The following PRDM11 variants were observed in gnomAD, a reference collection of about 807,000 sequenced individuals.
PRDM11 encodes the protein PR/SET domain 11.
In PRDM11, 20 loss-of-function variants were observed where a neutral mutation model predicts 97.8. The ratio of observed to expected loss-of-function variants is 0.20; its 90% confidence interval spans 0.14 to 0.30. The LOEUF is 0.30. Among genes scored for constraint, PRDM11 ranks in the 10% least tolerant of loss-of-function variants. PRDM11 has a pLI of 1.00. For missense variants in PRDM11, 1,139 were observed against 1,555.2 expected, an observed-to-expected ratio of 0.73 and a Z score of 4.50; for synonymous variants, 599 against 637.7, an observed-to-expected ratio of 0.94 and a Z score of 0.91.
intron 1 of PRDM11, among the ~76,000 whole-genome samples, chr11:45,121,921 G>A (rs186824913): frequency 2.4e-4 from 37 of 152,116 alleles, no homozygotes; most frequent in Admixed American, 1.6e-3. Context: ...TAAAGGCTGT[G>A]GTTACAGAAA....
At chr11:45,171,397 G>A (rs1234928750) in intron 1 of PRDM11, among the ~76,000 whole-genome samples, 2 of 152,164 alleles carry the variant, frequency 1.3e-5, no homozygotes, top group Non-Finnish European at 2.9e-5. Context: ...ACCGTGCCCA[G>A]CCGGTTATGT....
intron 4 of PRDM11, among the ~76,000 whole-genome samples, chr11:45,195,206 C>T (rs1354834310): frequency 6.6e-6 from 1 of 152,210 alleles, no homozygotes; most frequent in East Asian, 1.9e-4. Flanking sequence ...TTTTTAACAG[C>T]TTTATTGAGA....
intron 7 of PRDM11, 97 bp downstream of exon 7, chr11:45,224,940 G>GA: frequency 6.3e-7 from 1 of 1,588,252 alleles, no homozygotes; most frequent in East Asian, 2.2e-5. Flanking sequence ...CACCTTCCGG[G>GA]AGACCTGAGG....
At chr11:45,113,556 A>C (rs145668558) in intron 1 of PRDM11, among the ~76,000 whole-genome samples, 7 of 152,250 alleles carry the variant, frequency 4.6e-5, no homozygotes, top group South Asian at 2.1e-4. Flanking sequence ...TCATCTTCAC[A>C]ATATTGATTC....
intron 1 of PRDM11, among the ~76,000 whole-genome samples, chr11:45,103,245 C>T (rs1852008994): frequency 6.6e-6 from 1 of 152,192 alleles, no homozygotes; most frequent in African/African-American, 2.4e-5. Context: ...GCCTCCTCCC[C>T]GGCCTTGGAG....
intron 1 of PRDM11, among the ~76,000 whole-genome samples, chr11:45,101,546 ACT>A (rs1239859693): frequency 2.3e-5 from 3 of 128,274 alleles, no homozygotes; most frequent in South Asian, 2.3e-4. Flanking sequence ...ACAGAGCAAC[ACT>A]CTGTCTCAAA....
upstream of PRDM11, among the ~76,000 whole-genome samples, chr11:45,141,760 G>A (rs949964075): frequency 6.6e-6 from 1 of 152,174 alleles, no homozygotes; most frequent in Non-Finnish European, 1.5e-5. Flanking sequence ...CCCCACCCAT[G>A]CCTGAAAGGA....
chr11:45,185,493 G>C (rs1852671411), intron 4 of PRDM11, among the ~76,000 whole-genome samples: 1 of 152,198 alleles, frequency 6.6e-6, no homozygotes, highest in Admixed American at 6.5e-5. Flanking sequence ...AGTGAGGTGG[G>C]AGGGTGTGTG....
At chr11:45,144,468 G>A (rs985431425), upstream of PRDM11, among the ~76,000 whole-genome samples, 1 of 152,210 alleles carries the variant, frequency 6.6e-6, no homozygotes, top group Non-Finnish European at 1.5e-5. Flanking sequence ...TGGATGGGGA[G>A]ATTTAAATAG....
intron 6 of PRDM11, among the ~76,000 whole-genome samples, chr11:45,220,196 C>G (rs1422039933): frequency 6.6e-6 from 1 of 152,136 alleles, no homozygotes; most frequent in African/African-American, 2.4e-5. Flanking sequence ...CCGTCAGAGG[C>G]CTGTTGGGTA....
At chr11:45,163,012 A>G (rs1458865305) in intron 1 of PRDM11, among the ~76,000 whole-genome samples, 3 of 152,202 alleles carry the variant, frequency 2.0e-5, no homozygotes, top group Non-Finnish European at 2.9e-5. Context: ...TGGCAGTTGC[A>G]GTTACTCTGG....
upstream of PRDM11, among the ~76,000 whole-genome samples, chr11:45,143,175 C>T (rs980964113): frequency 1.3e-5 from 2 of 152,158 alleles, no homozygotes; most frequent in Admixed American, 1.3e-4. Context: ...GAAATTTTGC[C>T]CTTGTGCTTT....
At chr11:45,164,681 G>A (rs148092324) in intron 1 of PRDM11, among the ~76,000 whole-genome samples, 36 of 152,300 alleles carry the variant, frequency 2.4e-4, no homozygotes, top group African/African-American at 8.7e-4. Flanking sequence ...CTGGAACTTG[G>A]GCTAAATCTA....
In PRDM11 at chr11:45,226,476, G is replaced by A; in HGVS notation, c.1851G>A (p.Arg617=). ...LDFRPLAELL[R]KCELKVVDQY... ...TCCGGCCCCTGGCGGAGCTGCTGAG[G>A]AAGTGTGAGCTCAAGGTGGTGGACC... The change falls in exon 8 of 8, where the codon AGG becomes AGA. Residue 617 remains arginine, a synonymous_variant. Coordinates refer to ENST00000683152, the MANE Select transcript of PRDM11 (RefSeq NM_001384648.1). 1 of 1,533,994 alleles carries A rather than the reference G, an allele frequency of 6.5e-7. No individual in the cohort carries two copies. Among genetic ancestry groups the A allele is most frequent in the Non-Finnish European group, 8.7e-7 (1 of 1,146,740 alleles).
chr11:45,120,545 A>C (rs1183559431), intron 1 of PRDM11, among the ~76,000 whole-genome samples: 1 of 152,192 alleles, frequency 6.6e-6, no homozygotes, highest in Non-Finnish European at 1.5e-5. Context: ...GAATCTATGG[A>C]AGCTAGAAAA....
intron 1 of PRDM11, among the ~76,000 whole-genome samples, chr11:45,101,641 G>A (rs1187785920): frequency 6.8e-6 from 1 of 148,032 alleles, no homozygotes; most frequent in Non-Finnish European, 1.5e-5. Flanking sequence ...AGAGGAAGAA[G>A]AAGGCGTTCA....
intron 1 of PRDM11, among the ~76,000 whole-genome samples, chr11:45,104,060 T>C (rs886154986): frequency 3.3e-5 from 5 of 152,348 alleles, no homozygotes. Flanking sequence ...TCTAATTCCG[T>C]GCCCTAGACT....
At chr11:45,221,018 C>A (rs949514971) in intron 6 of PRDM11, among the ~76,000 whole-genome samples, 7 of 151,976 alleles carry the variant, frequency 4.6e-5, no homozygotes, top group African/African-American at 1.7e-4. Context: ...TGTTCCTGAC[C>A]AACTTACTAA....
At chr11:45,197,206 G>A (rs1450826876) in intron 4 of PRDM11, among the ~76,000 whole-genome samples, 6 of 152,112 alleles carry the variant, frequency 3.9e-5, no homozygotes, top group African/African-American at 1.4e-4. Context: ...AACAACATGG[G>A]TAAACCTGGA....
Sources: allele counts gnomAD v4.1 joint callset (sites outside exome capture counted in the v4.1 genomes callset), GRCh38; gene constraint gnomAD v4.1.1; transcripts MANE v1.5; gene names NCBI Gene and HGNC (gene_info 2026-07-23, HGNC 2026-07-21).